Variants in WIPF1 observed in about 807,000 individuals in gnomAD.
WIPF1 encodes WAS/WASL interacting protein family member 1, also known as WAS/WASL-interacting protein family member 1.
Under a neutral mutation model 35.4 loss-of-function variants are expected in WIPF1, and 13 were observed. The observed-to-expected ratio is 0.37, with a 90% CI of 0.24 to 0.58. The LOEUF is 0.58. WIPF1 is among the 20% of genes least tolerant of loss of function. The pLI is 0.74. For missense variants in WIPF1, 591 were observed against 667.0 expected, an observed-to-expected ratio of 0.89 and a Z score of 1.25; for synonymous variants, 267 against 266.3, an observed-to-expected ratio of 1.00 and a Z score of -0.02.
At chr2:174,599,939 C>T (rs1021825939), upstream of WIPF1, among the ~76,000 whole-genome samples, 8 of 152,040 alleles carry the variant, frequency 5.3e-5, no homozygotes, top group Admixed American at 6.5e-5. Flanking sequence ...AATTTTTCCA[C>T]GGAGTGGGGG....
chr2:174,567,128 C>G lies in WIPF1; in HGVS notation c.1398G>C (p.Glu466Asp). ...AACTTTTGGTCGTTTGTACATATGG[C>G]TCTGGAGGTGGCAAATCGGAAATCG... is the stretch of plus-strand genomic sequence containing the variant. Reference protein sequence around the residue: ...FHPISDLPPPEPYVQTTKSYP... With the variant: ...FHPISDLPPPDPYVQTTKSYP... Residue 466 changes from glutamate to aspartate, a missense_variant, in exon 7 of 8, where the codon GAG becomes GAC. By Grantham distance (45) the Glu-to-Asp change is conservative (BLOSUM62 2). Transcript: ENST00000679041. The G allele has an allele frequency of 6.2e-7, 1 of 1,614,190 alleles. No individual in the cohort carries two copies. Among genetic ancestry groups the G allele is most frequent in the Non-Finnish European group, 8.5e-7 (1 of 1,180,042 alleles).
At position 174,567,805 on chromosome 2, in the gene WIPF1, CAG is replaced by C. The variant is rs571077444; in HGVS notation, c.1342+54_1342+55del. On this transcript the variant is annotated intron_variant, in intron 6 of 7. Transcript: ENST00000679041. ...CAAACAAGCAAACCACATATACAAA[CAG>C]ATTTACCATTTAGTTGCTGCCCTAT... 4,219 of 1,503,660 alleles carry C rather than the reference CAG, an allele frequency of 2.8e-3. 10 individuals are homozygous for C. The highest frequency in any genetic ancestry group is 3.5e-3 in the Non-Finnish European group (3,925 of 1,122,618). 93.1% of individuals were successfully genotyped at this position (1,503,660 alleles called of 1,614,324 possible).
chr2:174,609,101 G>T (rs1353956760), intron 1 of WIPF1, among the ~76,000 whole-genome samples: 1 of 152,174 alleles, frequency 6.6e-6, no homozygotes, highest in South Asian at 2.1e-4. Context: ...GACAGTAAAT[G>T]GTGGGCATTT....
intron 4 of WIPF1, among the ~76,000 whole-genome samples, chr2:174,573,889 TTC>T (rs1181040056): frequency 1.8e-4 from 27 of 151,082 alleles, no homozygotes; most frequent in Middle Eastern, 3.4e-3. Context: ...AACTTTCTTC[TTC>T]TTTTTTTTTT....
At chr2:174,651,573 T>G (rs936735705) in intron 1 of WIPF1, among the ~76,000 whole-genome samples, 1 of 152,168 alleles carries the variant, frequency 6.6e-6, no homozygotes, top group Non-Finnish European at 1.5e-5. Context: ...ATGTTTATCT[T>G]GTATGGAAAA....
At chr2:174,647,700 A>C (rs1687440950) in intron 1 of WIPF1, among the ~76,000 whole-genome samples, 1 of 151,170 alleles carries the variant, frequency 6.6e-6, no homozygotes, top group South Asian at 2.1e-4. Flanking sequence ...TCTCCATGAT[A>C]AAAAAAAATG....
intron 6 of WIPF1, 57 bp from the exon 7 acceptor site, chr2:174,567,240 C>G (rs1339243161): frequency 6.7e-7 from 1 of 1,494,856 alleles, no homozygotes; most frequent in Non-Finnish European, 9.3e-7. Flanking sequence ...TGAAGACTTA[C>G]GTAACGAAAG....
At chr2:174,570,416 T>C (rs930692330) in intron 5 of WIPF1, 19 of 152,256 alleles carry the variant, frequency 1.2e-4, no homozygotes, top group Non-Finnish European at 2.2e-4. Flanking sequence ...TCAGTATTTC[T>C]ATAATAAACA....
chr2:174,635,662 A>T (rs1687168368), intron 1 of WIPF1, among the ~76,000 whole-genome samples: 1 of 151,514 alleles, frequency 6.6e-6, no homozygotes, highest in South Asian at 2.1e-4. Flanking sequence ...GGAATATTCC[A>T]CAATTTATAA....
chr2:174,609,515 C>G (rs557824502), intron 1 of WIPF1, among the ~76,000 whole-genome samples: 3 of 152,196 alleles, frequency 2.0e-5, no homozygotes, highest in African/African-American at 7.2e-5. Flanking sequence ...TACGCATACA[C>G]GCAAACACCT....
chr2:174,596,756 T>G (rs1685834640), intron 1 of WIPF1, among the ~76,000 whole-genome samples: 1 of 152,088 alleles, frequency 6.6e-6, no homozygotes, highest in Non-Finnish European at 1.5e-5. Flanking sequence ...AACAAAAAAC[T>G]TGTACTTAGT....
At chr2:174,621,027 G>A (rs1686656907) in intron 1 of WIPF1, among the ~76,000 whole-genome samples, 1 of 152,154 alleles carries the variant, frequency 6.6e-6, no homozygotes, top group South Asian at 2.1e-4. Flanking sequence ...ACTTCGCCTG[G>A]AGGTGTTAGG....
At chr2:174,624,676 AC>A (rs1314688693) in intron 1 of WIPF1, among the ~76,000 whole-genome samples, 3 of 152,100 alleles carry the variant, frequency 2.0e-5, no homozygotes, top group African/African-American at 7.2e-5. Flanking sequence ...GTCCAGGGGC[AC>A]CCTGTGCTGT....
intron 1 of WIPF1, among the ~76,000 whole-genome samples, chr2:174,621,194 G>A (rs1686663694): frequency 6.6e-6 from 1 of 152,036 alleles, no homozygotes; most frequent in South Asian, 2.1e-4. Flanking sequence ...ATTAGAGAGA[G>A]GCAGAATAAA....
chr2:174,591,167 A>G (rs990665736), intron 1 of WIPF1, among the ~76,000 whole-genome samples: 1 of 152,196 alleles, frequency 6.6e-6, no homozygotes, highest in Non-Finnish European at 1.5e-5. Flanking sequence ...AAGGTGGCAA[A>G]CCAAGGAAAG....
At chr2:174,671,553 T>C (rs1423610139) in intron 1 of WIPF1, among the ~76,000 whole-genome samples, 2 of 152,178 alleles carry the variant, frequency 1.3e-5, no homozygotes, top group Admixed American at 6.5e-5. Context: ...AACAGAGCCA[T>C]ATTTCTCTTC....
chr2:174,654,391 T>C (rs928659608), intron 1 of WIPF1, among the ~76,000 whole-genome samples: 2 of 152,234 alleles, frequency 1.3e-5, no homozygotes, highest in African/African-American at 4.8e-5. Flanking sequence ...TCTTTGTGTA[T>C]TAACTGCTCA....
At chr2:174,620,701 G>T (rs1168643669) in intron 1 of WIPF1, among the ~76,000 whole-genome samples, 1 of 152,178 alleles carries the variant, frequency 6.6e-6, no homozygotes, top group African/African-American at 2.4e-5. Context: ...AGAAAAGAGG[G>T]ATTCATTTTA....
At position 174,585,587 on chromosome 2, in the gene WIPF1, G is replaced by T. The variant is rs748972828; in HGVS notation, c.-14C>A. ...AGGGACAGGCATCTTGGGCAGTTATGCGTTCAACAGTCTTGCTGATAAATC... is the reference window on the plus strand; with the variant it reads ...AGGGACAGGCATCTTGGGCAGTTATTCGTTCAACAGTCTTGCTGATAAATC... On this transcript the variant is annotated 5_prime_UTR_variant, in exon 2 of 8. Transcript: ENST00000679041. 6.2e-7 allele frequency: 1 copy of T among 1,611,930 alleles called. No individual in the cohort carries two copies. The highest frequency in any genetic ancestry group is 1.1e-5 in the South Asian group (1 of 90,886).
Sources: allele counts gnomAD v4.1 joint callset (sites outside exome capture counted in the v4.1 genomes callset), GRCh38; gene constraint gnomAD v4.1.1; transcripts MANE v1.5; gene names NCBI Gene and HGNC (gene_info 2026-07-23, HGNC 2026-07-21).